The following PCDH11X variants were observed in gnomAD, a reference collection of about 807,000 sequenced individuals.
The protein encoded by PCDH11X is protocadherin-11 X-linked.
PCDH11X carries 18 observed loss-of-function variants against 53.3 expected under a neutral mutation model. The observed-to-expected ratio is 0.34, with a 90% CI of 0.23 to 0.50. PCDH11X has a LOEUF of 0.50. Ranked by LOEUF, PCDH11X falls within the 20% of genes least tolerant of loss-of-function variation. The pLI, the probability that PCDH11X is intolerant of heterozygous loss-of-function variation, is 0.98. For synonymous variants in PCDH11X, 279 were observed against 393.3 expected (o/e 0.71, Z 3.44); for missense variants, 570 against 1,032.4 (o/e 0.55, Z 6.14).
At chrX:92,101,835 A>G (rs2064260072) in intron 6 of PCDH11X, among the ~76,000 whole-genome samples, 1 of 110,726 alleles carries the variant, frequency 9.0e-6, no homozygotes, top group Admixed American at 9.7e-5. Context: ...CCTGAGGAGT[A>G]GTAGAATAGC....
intron 5 of PCDH11X, among the ~76,000 whole-genome samples, chrX:91,839,519 A>T (rs1276032037): frequency 1.8e-5 from 2 of 108,137 alleles, no homozygotes; most frequent in African/African-American, 6.7e-5. Flanking sequence ...CAGGAGAATC[A>T]CTTGAATTCG....
At chrX:91,888,922 A>G (rs1940354714) in intron 6 of PCDH11X, among the ~76,000 whole-genome samples, 1 of 111,060 alleles carries the variant, frequency 9.0e-6, no homozygotes, top group Non-Finnish European at 1.9e-5. Context: ...TACAAAATCA[A>G]TGCAGAGCAC....
At chrX:92,043,255 T>G (rs1048899477) in intron 6 of PCDH11X, among the ~76,000 whole-genome samples, 2 of 105,911 alleles carry the variant, frequency 1.9e-5, no homozygotes, top group Non-Finnish European at 3.8e-5. Context: ...TCAGTTGAAA[T>G]TACATTGTAA....
rs199892410 is a variant in PCDH11X, at chrX:92,589,728, A to AC, written c.3368-28529dup. ...AAGTGAACAAGATCTGAGCTAATCT[A>AC]CCCCCCCATCTTACCTTTCCCTTAA... On this transcript the variant is annotated intron_variant, in intron 10 of 10. Transcript: ENST00000682573. Among the ~76,000 whole-genome samples the AC allele has an allele frequency of 4.5e-3, 494 of 110,789 alleles. 5 individuals are homozygous for AC. The East Asian group carries it at 0.052, about 12-fold the overall frequency.
At chrX:91,807,338 C>T (rs1456222127) in intron 1 of PCDH11X, among the ~76,000 whole-genome samples, 1 of 110,309 alleles carries the variant, frequency 9.1e-6, no homozygotes, top group Non-Finnish European at 1.9e-5. Flanking sequence ...AAGCGAAAAC[C>T]GTGTCTCTAA....
intron 8 of PCDH11X, among the ~76,000 whole-genome samples, chrX:92,329,826 C>A (rs143551831): frequency 1.1e-3 from 125 of 111,248 alleles, no homozygotes; most frequent in East Asian, 8.5e-3. Flanking sequence ...CTACCAGAAG[C>A]TGGGAAGGGT....
chrX:92,065,533 C>T (rs963721679), intron 6 of PCDH11X, among the ~76,000 whole-genome samples: 5 of 111,617 alleles, frequency 4.5e-5, no homozygotes, highest in African/African-American at 1.6e-4. Flanking sequence ...TTTGTTATTG[C>T]CTGACTTTTG....
chrX:92,221,193 G>A (rs2066864641), intron 7 of PCDH11X, among the ~76,000 whole-genome samples: 1 of 64,597 alleles, frequency 1.5e-5, no homozygotes, highest in Non-Finnish European at 2.9e-5. Flanking sequence ...AAAACTTAAA[G>A]TATAATAATA....
chrX:91,991,585 CTT>C (rs1190657424), intron 6 of PCDH11X, among the ~76,000 whole-genome samples: 4 of 80,865 alleles, frequency 4.9e-5, no homozygotes, highest in African/African-American at 1.4e-4. Flanking sequence ...CTATTTAATT[CTT>C]TTTTTTTTTT....
intron 9 of PCDH11X, among the ~76,000 whole-genome samples, chrX:92,434,408 G>A (rs1279223748): frequency 4.6e-5 from 5 of 109,453 alleles, no homozygotes; most frequent in Non-Finnish European, 9.5e-5. Context: ...ATCAGTCTCT[G>A]GCAGACTATG....
At chrX:92,529,028 A>C (rs1215225614) in intron 10 of PCDH11X, among the ~76,000 whole-genome samples, 3 of 111,616 alleles carry the variant, frequency 2.7e-5, no homozygotes, top group African/African-American at 9.8e-5. Flanking sequence ...GTCTGAACTA[A>C]AGGGTAGAAT....
intron 8 of PCDH11X, among the ~76,000 whole-genome samples, chrX:92,273,463 T>G (rs2068004755): frequency 9.0e-6 from 1 of 111,499 alleles, no homozygotes; most frequent in Admixed American, 9.5e-5. Context: ...TCTGGTCCTT[T>G]CCGTGCAAGT....
At chrX:92,025,435 G>A (rs2062955905) in intron 6 of PCDH11X, among the ~76,000 whole-genome samples, 1 of 98,887 alleles carries the variant, frequency 1.0e-5, no homozygotes, top group African/African-American at 3.7e-5. Flanking sequence ...CATTTATGCA[G>A]CCAACAACCT....
intron 10 of PCDH11X, among the ~76,000 whole-genome samples, chrX:92,611,619 T>C (rs1198095884): frequency 9.3e-6 from 1 of 107,121 alleles, no homozygotes; most frequent in Non-Finnish European, 1.9e-5. Context: ...CAGTACTGTG[T>C]TGAATAGGAG....
chrX:92,038,412 C>T (rs1224788619), intron 6 of PCDH11X, among the ~76,000 whole-genome samples: 1 of 110,490 alleles, frequency 9.1e-6, no homozygotes, highest in East Asian at 2.9e-4. Flanking sequence ...GAACTCAGGC[C>T]ATGGCTTCAG....
At chrX:92,069,154 C>T (rs891620936) in intron 6 of PCDH11X, among the ~76,000 whole-genome samples, 2 of 109,958 alleles carry the variant, frequency 1.8e-5, no homozygotes, top group Non-Finnish European at 3.8e-5. Flanking sequence ...CTTGGTGTGC[C>T]AGTGTTGGGT....
At chrX:92,017,393 A>G (rs1372081272) in intron 6 of PCDH11X, among the ~76,000 whole-genome samples, 2 of 109,856 alleles carry the variant, frequency 1.8e-5, no homozygotes, top group Non-Finnish European at 3.8e-5. Flanking sequence ...CTGATCACAG[A>G]TTACCATAAG....
chrX:92,232,817 G>A (rs753195526), intron 7 of PCDH11X, among the ~76,000 whole-genome samples: 3 of 111,423 alleles, frequency 2.7e-5, no homozygotes, highest in Admixed American at 1.9e-4. Context: ...TCTGCTTCAC[G>A]CCATTCTCCC....
intron 6 of PCDH11X, among the ~76,000 whole-genome samples, chrX:92,012,217 G>A (rs1228653981): frequency 9.3e-6 from 1 of 107,527 alleles, no homozygotes; most frequent in Non-Finnish European, 1.9e-5. Context: ...TTTGTTTAAT[G>A]TAGTAATGTT....
Sources: allele counts gnomAD v4.1 joint callset (sites outside exome capture counted in the v4.1 genomes callset), GRCh38; gene constraint gnomAD v4.1.1; transcripts MANE v1.5; gene names NCBI Gene and HGNC (gene_info 2026-07-23, HGNC 2026-07-21).